STAC: variants seen among roughly 807,000 people sequenced by gnomAD.
STAC encodes the protein SH3 and cysteine-rich domain-containing protein.
Under a neutral mutation model 48.8 loss-of-function variants are expected in STAC, and 43 were observed. That is an observed-to-expected ratio of 0.88 (90% CI 0.69 to 1.14). STAC has a LOEUF of 1.14. STAC is among the 50% of genes most tolerant of loss of function. The pLI is 0.00. For missense variants in STAC, 497 were observed against 504.0 expected, an observed-to-expected ratio of 0.99 and a Z score of 0.13; for synonymous variants, 193 against 179.5, an observed-to-expected ratio of 1.07 and a Z score of -0.60.
intron 2 of STAC, among the ~76,000 whole-genome samples, chr3:36,479,446 T>C (rs1697586512): frequency 6.6e-6 from 1 of 152,210 alleles, no homozygotes; most frequent in Non-Finnish European, 1.5e-5. Flanking sequence ...AATAACTTTG[T>C]TCTTCAGAGT....
At chr3:36,417,625 T>C (rs7611709) in intron 1 of STAC, among the ~76,000 whole-genome samples, 3,540 of 152,348 alleles carry the variant, frequency 0.023, 61 homozygotes, top group East Asian at 0.026. Flanking sequence ...AGTTTCTCTT[T>C]GTATTTAGAA....
rs1354758984 is a variant in STAC, at chr3:36,546,309, T to C, written c.*20T>C. The C allele has an allele frequency of 2.5e-6, 4 of 1,605,328 alleles. No homozygotes were observed. In the African/African-American group the frequency reaches 5.4e-5, roughly 21 times the overall value. ...ATCTGATTGCTGGCTCCTCCTCCGTTTGCAGTAGGCAAGCTCTGCTGCGAT... is the reference window on the plus strand; with the variant it reads ...ATCTGATTGCTGGCTCCTCCTCCGTCTGCAGTAGGCAAGCTCTGCTGCGAT... On this transcript the variant is annotated 3_prime_UTR_variant, in exon 11 of 11. Coordinates refer to ENST00000273183, the MANE Select transcript of STAC (RefSeq NM_003149.3).
chr3:36,524,709 A>C (rs1435548112), intron 8 of STAC, among the ~76,000 whole-genome samples: 2 of 152,176 alleles, frequency 1.3e-5, no homozygotes, highest in African/African-American at 4.8e-5. Context: ...AGTGTTGAAA[A>C]GGATTCTAAA....
chr3:36,519,739 A>C (rs1291178056), intron 8 of STAC, among the ~76,000 whole-genome samples: 1 of 152,222 alleles, frequency 6.6e-6, no homozygotes, highest in Non-Finnish European at 1.5e-5. Context: ...TAAATTGAAC[A>C]CATGTCAGAA....
At chr3:36,408,214 T>C (rs190808495) in intron 1 of STAC, among the ~76,000 whole-genome samples, 27 of 152,300 alleles carry the variant, frequency 1.8e-4, no homozygotes, top group Admixed American at 1.2e-3. Context: ...GGAGTTACTA[T>C]CCCATCCTCT....
chr3:36,509,496 T>C (rs533889391), intron 8 of STAC, among the ~76,000 whole-genome samples: 1 of 152,284 alleles, frequency 6.6e-6, no homozygotes, highest in South Asian at 2.1e-4. Flanking sequence ...CTGAAGAGTG[T>C]TTTCCAACTT....
At chr3:36,506,472 G>C (rs549855793) in intron 8 of STAC, among the ~76,000 whole-genome samples, 1 of 152,206 alleles carries the variant, frequency 6.6e-6, no homozygotes, top group East Asian at 1.9e-4. Flanking sequence ...AAGAAAGTCA[G>C]TGGTAGCTTG....
At chr3:36,452,729 A>T (rs1696718436) in intron 2 of STAC, among the ~76,000 whole-genome samples, 1 of 152,258 alleles carries the variant, frequency 6.6e-6, no homozygotes, top group African/African-American at 2.4e-5. Flanking sequence ...GGGGCCCTAT[A>T]CTGATATCTG....
At chr3:36,424,764 G>C (rs1700525210) in intron 1 of STAC, among the ~76,000 whole-genome samples, 1 of 152,114 alleles carries the variant, frequency 6.6e-6, no homozygotes, top group Non-Finnish European at 1.5e-5. Flanking sequence ...AAGGAGCTCT[G>C]AATGAGCAAA....
chr3:36,510,774 A>G (rs1698517825), intron 8 of STAC, among the ~76,000 whole-genome samples: 1 of 152,032 alleles, frequency 6.6e-6, no homozygotes, highest in African/African-American at 2.4e-5. Flanking sequence ...ACATGGACAC[A>G]GGGAGGGTAA....
chr3:36,396,673 TA>T (rs1699863939), intron 1 of STAC, among the ~76,000 whole-genome samples: 1 of 152,210 alleles, frequency 6.6e-6, no homozygotes, highest in African/African-American at 2.4e-5. Context: ...TCCCTGCTTT[TA>T]AAAGCAGAAT....
intron 8 of STAC, among the ~76,000 whole-genome samples, chr3:36,521,644 T>C (rs148504283): frequency 4.6e-5 from 7 of 152,262 alleles, no homozygotes; most frequent in Non-Finnish European, 1.0e-4. Context: ...GTCAAGGCTA[T>C]TTCATTAACC....
At chr3:36,402,079 C>CATGTTTGT (rs1700008444) in intron 1 of STAC, among the ~76,000 whole-genome samples, 1 of 152,092 alleles carries the variant, frequency 6.6e-6, no homozygotes, top group Non-Finnish European at 1.5e-5. Flanking sequence ...ACTCTAAGTC[C>CATGTTTGT]CTGTTTGTTT....
chr3:36,443,348 T>C lies in STAC; in HGVS notation c.112-16T>C, dbSNP rs1233802566. On this transcript the variant is annotated splice_polypyrimidine_tract_variant and intron_variant, in intron 1 of 10. Transcript: ENST00000273183. This position sits in a 1 kb window ranked among gnomAD's most constrained non-coding sequence, Gnocchi z 4.2. ...CCATTGATCGTAAGAGAGACTGTTC[T>C]GTCATTGCATTGCAGCTCCAGAAAC... The C allele has an allele frequency of 1.2e-6, 2 of 1,613,950 alleles. No homozygotes were observed. The highest frequency in any genetic ancestry group is 1.7e-6 in the Non-Finnish European group (2 of 1,179,968).
chr3:36,462,855 T>C (rs183090889), intron 2 of STAC, among the ~76,000 whole-genome samples: 1 of 152,312 alleles, frequency 6.6e-6, no homozygotes, highest in East Asian at 1.9e-4. Context: ...GTATTCCTTA[T>C]TATAATAGGG....
intron 1 of STAC, among the ~76,000 whole-genome samples, chr3:36,402,610 G>A (rs1275130170): frequency 6.6e-6 from 1 of 151,968 alleles, no homozygotes; most frequent in Non-Finnish European, 1.5e-5. Context: ...GCTAGGCAAG[G>A]GAACAGAGTC....
chr3:36,384,389 G>C (rs1699573661), intron 1 of STAC, among the ~76,000 whole-genome samples: 1 of 152,080 alleles, frequency 6.6e-6, no homozygotes, highest in South Asian at 2.1e-4. Flanking sequence ...CTTCCTCATG[G>C]GGATGCTGAT....
chr3:36,452,395 T>C (rs1005684932), intron 2 of STAC, among the ~76,000 whole-genome samples: 1 of 152,116 alleles, frequency 6.6e-6, no homozygotes, highest in South Asian at 2.1e-4. Flanking sequence ...AGGAGACAGG[T>C]TGTGTAATGC....
chr3:36,453,582 C>T (rs1475275800), intron 2 of STAC, among the ~76,000 whole-genome samples: 1 of 152,194 alleles, frequency 6.6e-6, no homozygotes, highest in African/African-American at 2.4e-5. Flanking sequence ...CCTGAGCCTC[C>T]CACCCCCTCC....
Sources: allele counts gnomAD v4.1 joint callset (sites outside exome capture counted in the v4.1 genomes callset), GRCh38; gene constraint gnomAD v4.1.1; non-coding constraint Gnocchi (gnomAD v3.1); transcripts MANE v1.5; gene names NCBI Gene and HGNC (gene_info 2026-07-23, HGNC 2026-07-21).